Variants in RNF121 observed in about 807,000 individuals in gnomAD.
RNF121 encodes ring finger protein 121.
In RNF121, 21 loss-of-function variants were observed where a neutral mutation model predicts 46.5. The ratio of observed to expected loss-of-function variants is 0.45; its 90% CI spans 0.32 to 0.65. The LOEUF is 0.65. RNF121 is among the 30% of genes least tolerant of loss of function. RNF121 has a pLI of 0.04. For missense variants in RNF121, 346 were observed against 416.0 expected (o/e 0.83, Z 1.46); for synonymous variants, 139 against 144.7 (o/e 0.96, Z 0.28).
rs1412283766 is a variant in RNF121 at position 71,996,477 on chromosome 11, A to C, written c.*162A>C. ...CGGACTGGGGAGGGATATGATGGAGAGCCAGCCAGTGGGGCTGTCAGCAGT... is the reference window on the plus strand; with the variant it reads ...CGGACTGGGGAGGGATATGATGGAGCGCCAGCCAGTGGGGCTGTCAGCAGT... On this transcript the variant is annotated 3_prime_UTR_variant, in exon 9 of 9. Transcript: ENST00000361756. The C allele has an allele frequency of 1.3e-6, 1 of 751,100 alleles. No individual in the cohort carries two copies. Among genetic ancestry groups the C allele is most frequent in the East Asian group, 2.8e-5 (1 of 35,406 alleles). The allele number at this position is 751,100 out of a possible 1,614,324, so 46.5% of individuals were successfully genotyped here. A position where few individuals can be genotyped will look rare whatever the true frequency, so the allele number is the denominator to read the frequency against.
At chr11:71,936,048 C>T (rs559753979) in intron 1 of RNF121, among the ~76,000 whole-genome samples, 3 of 151,622 alleles carry the variant, frequency 2.0e-5, no homozygotes, top group Non-Finnish European at 2.9e-5. Context: ...AGGGTTTCAC[C>T]GTGTTAGCCA....
rs778568751 is a variant in RNF121, at chr11:71,929,099, C to T, written c.38C>T (p.Ala13Val). The T allele has an allele frequency of 2.3e-5, 35 of 1,551,404 alleles. No homozygotes were observed. Among genetic ancestry groups the T allele is most frequent in the Admixed American group, 5.9e-5 (3 of 50,990 alleles). Reference sequence around the variant, plus strand: ...GTGGAGGTGGAGGTTGGAGGTGGTGCTGCTGGGGAACGGGAGCTGGATGAG... The same window carrying T: ...GTGGAGGTGGAGGTTGGAGGTGGTGTTGCTGGGGAACGGGAGCTGGATGAG... ...AVVEVEVGGG[A>V]AGERELDEVD... The change falls in exon 1 of 9, where the codon GCT becomes GTT. Residue 13 changes from alanine (A) to valine (V), a missense_variant. Physicochemically the swap from Ala to Val is moderately conservative, Grantham distance 64 (BLOSUM62 0). Transcript: ENST00000361756.
intron 3 of RNF121, among the ~76,000 whole-genome samples, chr11:71,981,108 G>C (rs1053955895): frequency 6.6e-6 from 1 of 152,080 alleles, no homozygotes. Flanking sequence ...GAGTGCAGTG[G>C]TGTGATCTCG....
intron 3 of RNF121, among the ~76,000 whole-genome samples, chr11:71,969,144 C>T (rs1954363162): frequency 6.6e-6 from 1 of 152,072 alleles, no homozygotes; most frequent in Non-Finnish European, 1.5e-5. Context: ...GCCTCGGCCT[C>T]CCAAAGTGCT....
intron 2 of RNF121, 63 bp from the exon 3 acceptor site, chr11:71,960,687 A>G: frequency 6.4e-7 from 1 of 1,563,174 alleles, no homozygotes; most frequent in Non-Finnish European, 8.7e-7. Flanking sequence ...ATCCCTGGAA[A>G]GCACTGTCCC....
Position 71,959,290 on chromosome 11 carries a change from A to G in RNF121, c.102-1460A>G, listed in dbSNP as rs190819159. 5.4e-4 allele frequency among the ~76,000 whole-genome samples: 82 copies of G among 152,326 alleles called. 1 individual carries two copies. Among genetic ancestry groups the G allele is most frequent in the East Asian group, 3.9e-3 (20 of 5,188 alleles). On this transcript the variant is annotated intron_variant, in intron 2 of 8. Transcript: ENST00000361756. ...TTTCCCCCCTTACATTTTGTTATGA[A>G]AAACTTTAAACACATAGAAAAGTTG...
At chr11:71,994,996 C>A in intron 7 of RNF121, 144 bp downstream of exon 7, 1 of 1,129,950 alleles carries the variant, frequency 8.8e-7, no homozygotes, top group Non-Finnish European at 1.3e-6. Flanking sequence ...CCTTCCCTAC[C>A]CTTTCCCACA....
Position 71,957,250 on chromosome 11 carries a change from A to G in RNF121, c.87A>G (p.Pro29=). 1.2e-6 allele frequency: 2 copies of G among 1,604,460 alleles called. No individual in the cohort carries two copies. Among genetic ancestry groups the G allele is most frequent in the Non-Finnish European group, 1.7e-6 (2 of 1,171,150 alleles). Residue 29 remains proline (P), a synonymous_variant, in exon 2 of 9, where the codon CCA becomes CCG. Coordinates refer to ENST00000361756, the MANE Select transcript of RNF121 (RefSeq NM_018320.5). ...LDEVDMSDLS[P]EEQWRVEHAR... is the part of the protein sequence containing the mutation. The stretch of plus-strand genomic sequence containing the variant: ...AGGTTGATATGTCAGATCTCTCTCC[A>G]GAAGAGCAATGGAGGTAAGTGTGGT...
chr11:71,951,418 G>A (rs1953876763), intron 1 of RNF121, among the ~76,000 whole-genome samples: 1 of 151,888 alleles, frequency 6.6e-6, no homozygotes, highest in African/African-American at 2.4e-5. Context: ...AAGTGGGAGC[G>A]AGATATAATC....
chr11:71,971,641 C>T (rs1244597406), intron 3 of RNF121, among the ~76,000 whole-genome samples: 1 of 151,968 alleles, frequency 6.6e-6, no homozygotes, highest in East Asian at 1.9e-4. Flanking sequence ...AACACATTTA[C>T]AGGAAAGGAA....
At position 71,982,831 on chromosome 11, in the gene RNF121, T is replaced by C; in HGVS notation, c.314T>C (p.Leu105Pro). The stretch of plus-strand genomic sequence containing the variant: ...GTGAAGCTGCACTGGTGGAGGTTCC[T>C]AGTGATCTGGATCTTGTTCTCTGCT... ...FTVKLHWWRF[L>P]VIWILFSAVT... The change falls in exon 4 of 9, where the codon CTA becomes CCA. Residue 105 changes from leucine to proline, a missense_variant. Transcript: ENST00000361756. The C allele has an allele frequency of 6.8e-6, 11 of 1,614,014 alleles. No homozygotes were observed. Among genetic ancestry groups the C allele is most frequent in the Non-Finnish European group, 9.3e-6 (11 of 1,179,944 alleles).
intron 1 of RNF121, among the ~76,000 whole-genome samples, chr11:71,954,731 A>G (rs1386704519): frequency 6.6e-6 from 1 of 151,930 alleles, no homozygotes; most frequent in Non-Finnish European, 1.5e-5. Flanking sequence ...CCCTCATTGG[A>G]TTTGGTTTCT....
chr11:71,977,199 A>G (rs891950022), intron 3 of RNF121, among the ~76,000 whole-genome samples: 8 of 152,162 alleles, frequency 5.3e-5, no homozygotes, highest in African/African-American at 1.9e-4. Flanking sequence ...TCAGCCAGGT[A>G]TGGTGGGAGG....
chr11:71,931,988 A>G (rs1214815912), intron 1 of RNF121, among the ~76,000 whole-genome samples: 5 of 152,122 alleles, frequency 3.3e-5, no homozygotes, highest in Admixed American at 6.5e-5. Context: ...AGGATATTAT[A>G]CCTATGTTTT....
intron 3 of RNF121, among the ~76,000 whole-genome samples, chr11:71,976,906 T>C (rs967721525): frequency 6.6e-6 from 1 of 152,198 alleles, no homozygotes; most frequent in African/African-American, 2.4e-5. Flanking sequence ...AAATAAACTT[T>C]TTTCATTTTG....
At chr11:71,994,612 C>A in intron 6 of RNF121, 107 bp from the exon 7 acceptor site, 1 of 1,326,042 alleles carries the variant, frequency 7.5e-7, no homozygotes, top group South Asian at 1.3e-5. Context: ...GGGCCTCCCG[C>A]TGCCACTGTG....
intron 4 of RNF121, among the ~76,000 whole-genome samples, chr11:71,984,333 G>A (rs2134208416): frequency 6.6e-6 from 1 of 152,250 alleles, no homozygotes; most frequent in East Asian, 1.9e-4. Context: ...CTGGAGTGCA[G>A]TGGCACGATC....
At chr11:71,948,313 C>T (rs943057214) in intron 1 of RNF121, among the ~76,000 whole-genome samples, 2 of 151,900 alleles carry the variant, frequency 1.3e-5, no homozygotes, top group African/African-American at 2.4e-5. Context: ...GTCAGAAGTT[C>T]GAGACCAGCC....
intron 3 of RNF121, among the ~76,000 whole-genome samples, chr11:71,977,891 G>T (rs1954561762): frequency 6.6e-6 from 1 of 152,200 alleles, no homozygotes; most frequent in Non-Finnish European, 1.5e-5. Flanking sequence ...AGGCACAAGT[G>T]TGCAAATTAG....
Sources: gnomAD v4.1 joint callset for allele counts (sites outside exome capture counted in the v4.1 genomes callset) on GRCh38, gnomAD v4.1.1 for gene constraint, MANE v1.5 for transcripts, NCBI Gene and HGNC (gene_info 2026-07-23, HGNC 2026-07-21) for gene names.